The following MTA1 variants were observed in gnomAD, a reference collection of about 807,000 sequenced individuals.
MTA1 encodes metastasis-associated protein MTA1.
MTA1 carries 15 observed loss-of-function variants against 97.0 expected under a neutral mutation model. That is an observed-to-expected ratio of 0.15 (90% confidence interval 0.10 to 0.24). The LOEUF is 0.24. MTA1 is among the 10% of genes least tolerant of loss of function. The probability of loss-of-function intolerance (pLI) is 1.00; values close to 1 mark genes in which losing one functional copy is unlikely to be tolerated. For synonymous variants in MTA1, 435 were observed against 417.5 expected, an observed-to-expected ratio of 1.04 and a Z score of -0.51; for missense variants, 709 against 1,015.1, an observed-to-expected ratio of 0.70 and a Z score of 4.10.
chr14:105,435,527 ATCC>A (rs1367697437), intron 1 of MTA1, among the ~76,000 whole-genome samples: 1 of 152,208 alleles, frequency 6.6e-6, no homozygotes, highest in African/African-American at 2.4e-5. Context: ...GACTGAAGCA[ATCC>A]TCCTGATTTC....
intron 6 of MTA1, among the ~76,000 whole-genome samples, chr14:105,451,000 A>T (rs1555428552): frequency 1.3e-5 from 2 of 152,168 alleles, no homozygotes; most frequent in African/African-American, 4.8e-5. Context: ...TGCGGGGCAC[A>T]CCTGCCAAGG....
chr14:105,469,302 G>T, intron 18 of MTA1, 165 bp from the exon 19 acceptor site: 2 of 723,310 alleles, frequency 2.8e-6, no homozygotes, highest in East Asian at 2.7e-5. Flanking sequence ...CAGGACCCGG[G>T]GATGCGAGGC....
chr14:105,449,944 C>T (rs1202286036), intron 4 of MTA1, 114 bp from the exon 5 acceptor site: 15 of 1,443,404 alleles, frequency 1.0e-5, no homozygotes, highest in African/African-American at 1.4e-5. Context: ...GGAGGAGGCA[C>T]GCCTCCCAGG....
At position 105,458,301 on chromosome 14, in the gene MTA1, G is replaced by A; in HGVS notation, c.582G>A (p.Leu194=). The change falls in exon 8 of 21, where the codon TTG becomes TTA. Residue 194 remains leucine (L), a synonymous_variant. Coordinates refer to ENST00000331320, the MANE Select transcript of MTA1 (RefSeq NM_004689.4). ...GEEDGRDQSR[L]ETQVWEAHNP... is the part of the protein sequence containing the mutation. ...AGGATGGCCGAGACCAGTCCAGGTT[G>A]GAGACCCAGGTGTGGGAGGCGCACA... is the stretch of plus-strand genomic sequence containing the variant. The A allele has an allele frequency of 6.2e-7, 1 of 1,612,732 alleles. No homozygotes were observed. Among genetic ancestry groups the A allele is most frequent in the Non-Finnish European group, 8.5e-7 (1 of 1,179,924 alleles).
In MTA1 at chr14:105,454,330, G is replaced by T; in HGVS notation, c.550+20G>T. The T allele has an allele frequency of 6.4e-7, 1 of 1,562,282 alleles. No individual in the cohort carries two copies. The highest frequency in any genetic ancestry group is 8.8e-7 in the Non-Finnish European group (1 of 1,133,798). ...AAGAAGGTAGGGTGGGCCGCCCTGG[G>T]CATGGAGCCCTCTGTCCTGTCCTGT... On this transcript the variant is annotated intron_variant, in intron 7 of 20. Coordinates refer to ENST00000331320, the MANE Select transcript of MTA1 (RefSeq NM_004689.4).
chr14:105,452,690 A>C (rs1643053833), intron 6 of MTA1, among the ~76,000 whole-genome samples: 1 of 152,232 alleles, frequency 6.6e-6, no homozygotes, highest in South Asian at 2.1e-4. Flanking sequence ...TCCAAAAAAA[A>C]TAAAAGATCC....
intron 1 of MTA1, among the ~76,000 whole-genome samples, chr14:105,429,562 T>C (rs1462087360): frequency 8.6e-5 from 13 of 150,458 alleles, no homozygotes; most frequent in Non-Finnish European, 8.9e-5. Context: ...CGCCATTCTC[T>C]TGCCTCAGCC....
Position 105,420,159 on chromosome 14 carries a change from CGCG to C in MTA1, c.28+97_28+99del. The C allele has an allele frequency of 1.6e-6, 1 of 607,610 alleles. No homozygotes were observed. Among genetic ancestry groups the C allele is most frequent in the Non-Finnish European group, 2.1e-6 (1 of 483,298 alleles). 37.6% of individuals were successfully genotyped at this position (607,610 alleles called of 1,614,324 possible). A position where few individuals can be genotyped will look rare whatever the true frequency, so the allele number is the denominator to read the frequency against. On this transcript the variant is annotated intron_variant, in intron 1 of 20. Coordinates refer to ENST00000331320, the MANE Select transcript of MTA1 (RefSeq NM_004689.4). This position sits in a 1 kb window ranked among gnomAD's most constrained non-coding sequence, Gnocchi z 5.3. ...CCCCGCCCCTCTGCCCCGCAGGCCC[CGCG>C]CCCCCCGCCCGCCCTCGCGGCCCCC...
chr14:105,464,632 G>A lies in MTA1; in HGVS notation c.1345-42G>A, dbSNP rs185491095. On this transcript the variant is annotated intron_variant, in intron 14 of 20. Transcript: ENST00000331320. ...TCGGCCACGCGGGTCCTCGGCCCCCGGTCATGGCGCTGTGTTGGGGCGGTT... is the reference window on the plus strand; with the variant it reads ...TCGGCCACGCGGGTCCTCGGCCCCCAGTCATGGCGCTGTGTTGGGGCGGTT... 1,191 of 1,608,304 alleles carry A rather than the reference G, an allele frequency of 7.4e-4. 1 individual carries two copies. The highest frequency in any genetic ancestry group is 9.8e-4 in the East Asian group (44 of 44,784).
intron 7 of MTA1, among the ~76,000 whole-genome samples, chr14:105,455,202 G>A (rs1161898748): frequency 2.0e-5 from 3 of 152,196 alleles, no homozygotes; most frequent in Non-Finnish European, 4.4e-5. Flanking sequence ...CACTGCACCT[G>A]GCCTCATTTT....
chr14:105,441,547 C>A (rs1290555164), intron 2 of MTA1, among the ~76,000 whole-genome samples: 1 of 152,230 alleles, frequency 6.6e-6, no homozygotes, highest in African/African-American at 2.4e-5. Flanking sequence ...GGAATCCCAG[C>A]ACTTTGAGAG....
rs181002595 is a variant in MTA1, at chr14:105,454,602, T to C, written c.550+292T>C. The C allele has an allele frequency of 2.9e-5, 8 of 278,840 alleles. No individual in the cohort carries two copies. In the East Asian group the frequency reaches 5.6e-4, roughly 20 times the overall value. The allele number at this position is 278,840 out of a possible 1,614,324, so 17.3% of individuals were successfully genotyped here. ...GTGACACCTGGTTTCCTTCTGGCAG[T>C]TGTTTTTCTTTTTCTTTTTTTTCAG... On this transcript the variant is annotated intron_variant, in intron 7 of 20. Coordinates refer to ENST00000331320, the MANE Select transcript of MTA1 (RefSeq NM_004689.4).
rs781882182 is a variant in MTA1 at position 105,466,667 on chromosome 14, C to T, written c.1778-40C>T. On this transcript the variant is annotated intron_variant, in intron 17 of 20. Transcript: ENST00000331320. ...CCCGGGCACCCGCCGTGCGTGCTGA[C>T]GCTGTCTTCTCTCCCTCTCTCCCAC... 1.7e-5 allele frequency: 27 copies of T among 1,602,988 alleles called. No individual in the cohort carries two copies. The East Asian group carries it at 2.2e-4, about 13-fold the overall frequency.
At position 105,468,050 on chromosome 14, in the gene MTA1, C is replaced by A. The variant is rs587706900; in HGVS notation, c.1813+1308C>A. 5 of 346,276 alleles carry A rather than the reference C, an allele frequency of 1.4e-5. No individual in the cohort carries two copies. In the East Asian group the frequency reaches 3.8e-4, roughly 26 times the overall value. 21.5% of individuals were successfully genotyped at this position (346,276 alleles called of 1,614,324 possible). A position where few individuals can be genotyped will look rare whatever the true frequency, so the allele number is the denominator to read the frequency against. On this transcript the variant is annotated intron_variant, in intron 18 of 20. Coordinates refer to ENST00000331320, the MANE Select transcript of MTA1 (RefSeq NM_004689.4). ...GCCACAGAGGAAGCGCCTGTCCTGA[C>A]GTGTAGCGGCCAGGACCTGGGCGCT...
At chr14:105,438,529 CCT>C in intron 1 of MTA1, 141 bp from the exon 2 acceptor site, 1 of 735,692 alleles carries the variant, frequency 1.4e-6, no homozygotes, top group South Asian at 1.6e-5. Flanking sequence ...GGCTTCGCTT[CCT>C]CTGTTTATTC....
chr14:105,452,507 T>C (rs782579490), intron 6 of MTA1, among the ~76,000 whole-genome samples: 2 of 152,204 alleles, frequency 1.3e-5, no homozygotes, highest in Non-Finnish European at 2.9e-5. Context: ...TAGTGAGACC[T>C]CACCTCTACA....
At chr14:105,447,641 T>G (rs1555427507) in intron 3 of MTA1, among the ~76,000 whole-genome samples, 1 of 152,176 alleles carries the variant, frequency 6.6e-6, no homozygotes, top group African/African-American at 2.4e-5. Context: ...ACAGCCCCTT[T>G]GGACGGTGCT....
In MTA1 at chr14:105,450,146, C is replaced by T. The variant is rs2082866938; in HGVS notation, c.330C>T (p.Leu110=). ...AGCTGCGGCATCGGGAGCTGTTCCT[C>T]TCCCGGCAGCTGGAGTCTCTGCCCG... The part of the protein sequence containing the change: ...KHQLRHRELF[L]SRQLESLPAT... Residue 110 remains leucine, a synonymous_variant, in exon 5 of 21, where the codon CTC becomes CTT. Transcript: ENST00000331320. The T allele has an allele frequency of 6.2e-7, 1 of 1,613,158 alleles. No individual in the cohort carries two copies. The highest frequency in any genetic ancestry group is 8.5e-7 in the Non-Finnish European group (1 of 1,179,904).
intron 1 of MTA1, among the ~76,000 whole-genome samples, chr14:105,435,002 G>A (rs782726747): frequency 2.0e-5 from 3 of 152,090 alleles, no homozygotes; most frequent in Non-Finnish European, 2.9e-5. Flanking sequence ...GGACTTCCTC[G>A]ATGGTCAGCA....
Sources: allele counts gnomAD v4.1 joint callset (sites outside exome capture counted in the v4.1 genomes callset), GRCh38; gene constraint gnomAD v4.1.1; non-coding constraint Gnocchi (gnomAD v3.1); transcripts MANE v1.5; gene names NCBI Gene and HGNC (gene_info 2026-07-23, HGNC 2026-07-21).